COG3: variants seen among roughly 807,000 people sequenced by gnomAD.
The protein encoded by COG3 is component of oligomeric golgi complex 3, also known as conserved oligomeric Golgi complex subunit 3.
Under a neutral mutation model 114.1 loss-of-function variants are expected in COG3, and 32 were observed. That is an observed-to-expected ratio of 0.28 (90% CI 0.21 to 0.38). The LOEUF (loss-of-function observed/expected upper bound fraction) is 0.38, where lower values mean the gene tolerates loss of function less well. COG3 is among the 10% of genes least tolerant of loss of function. The pLI, the probability that COG3 is intolerant of heterozygous loss-of-function variation, is 1.00. For missense variants in COG3, 813 were observed against 973.2 expected, an observed-to-expected ratio of 0.84 and a Z score of 2.19; for synonymous variants, 352 against 365.7, an observed-to-expected ratio of 0.96 and a Z score of 0.43.
intron 8 of COG3, among the ~76,000 whole-genome samples, chr13:45,487,806 G>A (rs1293642840): frequency 5.3e-5 from 8 of 152,150 alleles, no homozygotes; most frequent in Non-Finnish European, 1.0e-4. Flanking sequence ...TAGTACAGCT[G>A]TTATGGAAAA....
chr13:45,486,289 T>TCGGGAGACGGGAGACGGGAGA lies in COG3; in HGVS notation c.844-170_844-150dup, dbSNP rs772080989. ...TCGGCTCGGCATGAGAGGGAGACCA[T>TCGGGAGACGGGAGACGGGAGA]CGGGAGACGGGAGACGGGAGACGGG... On this transcript the variant is annotated intron_variant, in intron 7 of 22. Transcript: ENST00000349995. Among the ~76,000 whole-genome samples, 11 of 108,862 alleles carry TCGGGAGACGGGAGACGGGAGA rather than the reference T, an allele frequency of 1.0e-4. No individual in the cohort carries two copies. The East Asian group carries it at 2.9e-3, about 29-fold the overall frequency. 71.4% of individuals were successfully genotyped at this position (108,862 alleles called of 152,430 possible).
In COG3 at chr13:45,529,903, G is replaced by T. The variant is rs1169652477; in HGVS notation, c.2343G>T (p.Leu781Phe). 1 of 1,609,712 alleles carries T rather than the reference G, an allele frequency of 6.2e-7. No homozygotes were observed. The highest frequency in any genetic ancestry group is 8.5e-7 in the Non-Finnish European group (1 of 1,178,760). The change falls in exon 21 of 23, where the codon TTG (leucine) becomes TTT (phenylalanine). Residue 781 changes from leucine to phenylalanine, a missense_variant. Physicochemically the swap from Leu to Phe is conservative, Grantham distance 22. Coordinates refer to ENST00000349995, the MANE Select transcript of COG3 (RefSeq NM_031431.4). Reference protein sequence around the residue: ...YLSNKDTEFILFKPVRNNIQQ... With the variant: ...YLSNKDTEFIFFKPVRNNIQQ... ...CCAATAAAGATACCGAGTTCATCTTGTTTAAACCTGTGAGGGTGAGTATCA... is the reference window on the plus strand; with the variant it reads ...CCAATAAAGATACCGAGTTCATCTTTTTTAAACCTGTGAGGGTGAGTATCA...
At chr13:45,475,253 G>A (rs1159357362) in intron 1 of COG3, among the ~76,000 whole-genome samples, 1 of 151,952 alleles carries the variant, frequency 6.6e-6, no homozygotes, top group African/African-American at 2.4e-5. Flanking sequence ...ACCCTGGGTG[G>A]GTGGCACGAC....
At chr13:45,475,411 C>A (rs1885799505) in intron 1 of COG3, among the ~76,000 whole-genome samples, 1 of 151,750 alleles carries the variant, frequency 6.6e-6, no homozygotes, top group Admixed American at 6.6e-5. Flanking sequence ...ACTATGTTGC[C>A]CAGGCTGGTC....
In COG3 at chr13:45,479,156, T is replaced by C. The variant is rs184072681; in HGVS notation, c.383+90T>C. Reference sequence around the variant, plus strand: ...CATAATCAGTGTCTTTAAATAAAACTGAGGTATTAAGAAAACTGTAACAGC... The same window carrying C: ...CATAATCAGTGTCTTTAAATAAAACCGAGGTATTAAGAAAACTGTAACAGC... On this transcript the variant is annotated intron_variant, in intron 3 of 22. Transcript: ENST00000349995. The C allele has an allele frequency of 3.1e-4, 287 of 940,466 alleles. 1 individual carries two copies. The highest frequency in any genetic ancestry group is 4.4e-4 in the Non-Finnish European group (269 of 611,040). The allele number at this position is 940,466 out of a possible 1,614,324, so 58.3% of individuals were successfully genotyped here. A position where few individuals can be genotyped will look rare whatever the true frequency, so the allele number is the denominator to read the frequency against.
chr13:45,468,366 T>G (rs1885274658), intron 1 of COG3, among the ~76,000 whole-genome samples: 1 of 152,242 alleles, frequency 6.6e-6, no homozygotes, highest in South Asian at 2.1e-4. Flanking sequence ...TCTTGTGCTT[T>G]CTTTCAAATT....
At chr13:45,467,972 A>G (rs1355594787) in intron 1 of COG3, among the ~76,000 whole-genome samples, 1 of 152,218 alleles carries the variant, frequency 6.6e-6, no homozygotes, top group Non-Finnish European at 1.5e-5. Flanking sequence ...TTTCTCTTTT[A>G]TGAAAGAGAA....
At chr13:45,470,147 G>GT (rs1379838277) in intron 1 of COG3, among the ~76,000 whole-genome samples, 1 of 152,134 alleles carries the variant, frequency 6.6e-6, no homozygotes, top group African/African-American at 2.4e-5. Flanking sequence ...ATTTTAAAAT[G>GT]TTGCATATTA....
At chr13:45,491,048 C>CA in intron 9 of COG3, 90 bp downstream of exon 9, 2 of 855,490 alleles carry the variant, frequency 2.3e-6, no homozygotes, top group Non-Finnish European at 3.8e-6. Context: ...ATTTTATGAG[C>CA]AATTGCCTTC....
At chr13:45,520,291 AAAAATAAAAAT>A (rs1566270221) in intron 19 of COG3, among the ~76,000 whole-genome samples, 1 of 82,892 alleles carries the variant, frequency 1.2e-5, no homozygotes, top group Non-Finnish European at 2.4e-5. Flanking sequence ...GTCTCAAAAA[AAAAATAAAAAT>A]AAAAATAAAA....
intron 20 of COG3, among the ~76,000 whole-genome samples, chr13:45,528,617 ATGTG>A (rs1364885889): frequency 6.6e-6 from 1 of 152,214 alleles, no homozygotes; most frequent in Non-Finnish European, 1.5e-5. Flanking sequence ...AAAATTGTTT[ATGTG>A]TTTACTAGCA....
Position 45,512,913 on chromosome 13 carries a change from C to T in COG3, c.1809+1059C>T, listed in dbSNP as rs572857144. Among the ~76,000 whole-genome samples, 278 of 152,068 alleles carry T rather than the reference C, an allele frequency of 1.8e-3. 2 individuals carry two copies. Among genetic ancestry groups the T allele is most frequent in the African/African-American group, 6.4e-3 (266 of 41,500 alleles). Reference sequence around the variant, plus strand: ...TACAGGTGTTAGCCACCGCACTTAGCGGTTTACAGTTTTTAATCCAGAAGG... The same window carrying T: ...TACAGGTGTTAGCCACCGCACTTAGTGGTTTACAGTTTTTAATCCAGAAGG... On this transcript the variant is annotated intron_variant, in intron 16 of 22. Transcript: ENST00000349995.
At chr13:45,498,509 G>A (rs1032153625) in intron 13 of COG3, among the ~76,000 whole-genome samples, 1 of 151,528 alleles carries the variant, frequency 6.6e-6, no homozygotes, top group Non-Finnish European at 1.5e-5. Flanking sequence ...GTGAAGTAGG[G>A]GTCCAGTTTC....
intron 1 of COG3, among the ~76,000 whole-genome samples, chr13:45,471,992 GA>G (rs1489692097): frequency 6.6e-6 from 1 of 152,064 alleles, no homozygotes; most frequent in Non-Finnish European, 1.5e-5. Flanking sequence ...CTCGGCCTCC[GA>G]AAGTGCTGGG....
chr13:45,535,958 T>TTTGGTGCAGTGGGTGCCTG lies in COG3; in HGVS notation c.*1229_*1247dup. ...GTTCTGGAATGGGACCAGGGGACCT[T>TTTGGTGCAGTGGGTGCCTG]TTGGTGCAGTGGGTGCCTGTAACTC... On this transcript the variant is annotated 3_prime_UTR_variant, in exon 23 of 23. Transcript: ENST00000349995. 1.2e-6 allele frequency: 1 copy of TTTGGTGCAGTGGGTGCCTG among 802,508 alleles called. No individual in the cohort carries two copies. The highest frequency in any genetic ancestry group is 3.1e-4 in the Middle Eastern group (1 of 3,220). 49.7% of individuals were successfully genotyped at this position (802,508 alleles called of 1,614,324 possible). A position where few individuals can be genotyped will look rare whatever the true frequency, so the allele number is the denominator to read the frequency against.
At chr13:45,491,035 GAT>G in intron 9 of COG3, 77 bp downstream of exon 9, 1 of 948,000 alleles carries the variant, frequency 1.1e-6, no homozygotes, top group Non-Finnish European at 1.7e-6. Flanking sequence ...CTGGATCTCT[GAT>G]ATTTTATGAG....
intron 7 of COG3, 95 bp downstream of exon 7, chr13:45,483,450 A>G: frequency 1.0e-6 from 1 of 968,378 alleles, no homozygotes; most frequent in Non-Finnish European, 1.4e-6. Context: ...GTACTTTGTA[A>G]TTCCAAAAAA....
At chr13:45,506,543 T>G (rs1001864125) in intron 14 of COG3, among the ~76,000 whole-genome samples, 3 of 152,170 alleles carry the variant, frequency 2.0e-5, no homozygotes, top group African/African-American at 7.2e-5. Flanking sequence ...AAGAATGCGA[T>G]TCTGCGAGTA....
At position 45,535,753 on chromosome 13, in the gene COG3, C is replaced by T. The variant is rs1318150112; in HGVS notation, c.*1022C>T. ...ACCTAAGGATGACAAACACTATCCA[C>T]ATCTGAAAACTACCACACCATATCA... On this transcript the variant is annotated 3_prime_UTR_variant, in exon 23 of 23. Coordinates refer to ENST00000349995, the MANE Select transcript of COG3 (RefSeq NM_031431.4). 3.2e-5 allele frequency: 32 copies of T among 987,340 alleles called. No individual in the cohort carries two copies. Among genetic ancestry groups the T allele is most frequent in the Non-Finnish European group, 3.6e-5 (30 of 830,114 alleles). The allele number at this position is 987,340 out of a possible 1,614,324, so 61.2% of individuals were successfully genotyped here. A position where few individuals can be genotyped will look rare whatever the true frequency, so the allele number is the denominator to read the frequency against.
Sources: gnomAD v4.1 joint callset for allele counts (sites outside exome capture counted in the v4.1 genomes callset) on GRCh38, gnomAD v4.1.1 for gene constraint, MANE v1.5 for transcripts, NCBI Gene and HGNC (gene_info 2026-07-23, HGNC 2026-07-21) for gene names.